ITGA8: variants seen among roughly 807,000 people sequenced by gnomAD.
The protein encoded by ITGA8 is integrin subunit alpha 8, also known as integrin alpha-8.
ITGA8 carries 91 observed loss-of-function variants against 142.3 expected under a neutral mutation model. That is an observed-to-expected ratio of 0.64 (90% CI 0.54 to 0.76). The LOEUF (loss-of-function observed/expected upper bound fraction) is 0.76. Among genes scored for constraint, ITGA8 ranks in the 30% least tolerant of loss-of-function variants. The probability of loss-of-function intolerance (pLI) is 0.00; values close to 1 mark genes in which losing one functional copy is unlikely to be tolerated. For synonymous variants in ITGA8, 505 were observed against 485.2 expected, an observed-to-expected ratio of 1.04 and a Z score of -0.54; for missense variants, 1,406 against 1,327.7, an observed-to-expected ratio of 1.06 and a Z score of -0.92.
Position 15,571,183 on chromosome 10 carries a change from A to C in ITGA8, c.2637+1028T>G, listed in dbSNP as rs142457733. Among the ~76,000 whole-genome samples the C allele has an allele frequency of 1.7e-4, 26 of 152,314 alleles. No homozygotes were observed. In the East Asian group the frequency reaches 3.5e-3, roughly 20 times the overall value. ...AGTCCTTTACTAATGAACCCCCTTT[A>C]GTCTTCCCTTTGAATAGGAGGCATG... is the stretch of plus-strand genomic sequence containing the variant. On this transcript the variant is annotated intron_variant, in intron 25 of 29. Coordinates refer to ENST00000378076, the MANE Select transcript of ITGA8 (RefSeq NM_003638.3).
At position 15,644,163 on chromosome 10, in the gene ITGA8, A is replaced by G. The variant is rs779711137; in HGVS notation, c.1266T>C (p.Tyr422=). ...GKDQRGKVLI[Y]NGNKDGLNTK... is the part of the protein sequence containing the mutation. ...TGTTTAAGCCATCTTTGTTCCCATT[A>G]TAAATGAGCACTTTGCCTCTTTGAT... Residue 422 remains tyrosine, a synonymous_variant, in exon 13 of 30, where the codon TAT becomes TAC. Coordinates refer to ENST00000378076, the MANE Select transcript of ITGA8 (RefSeq NM_003638.3). 6 of 1,614,044 alleles carry G rather than the reference A, an allele frequency of 3.7e-6. No individual in the cohort carries two copies. Among genetic ancestry groups the G allele is most frequent in the Non-Finnish European group, 4.2e-6 (5 of 1,180,038 alleles).
intron 21 of ITGA8, among the ~76,000 whole-genome samples, chr10:15,593,593 G>C (rs185060923): frequency 1.3e-5 from 2 of 152,296 alleles, no homozygotes; most frequent in Non-Finnish European, 2.9e-5. Flanking sequence ...ATATTCACAT[G>C]AATCAGTAAT....
At chr10:15,559,431 A>G (rs1380521209) in intron 25 of ITGA8, among the ~76,000 whole-genome samples, 1 of 152,208 alleles carries the variant, frequency 6.6e-6, no homozygotes, top group African/African-American at 2.4e-5. Context: ...GAAAACACAA[A>G]GCAGAGAGTC....
At chr10:15,553,856 G>A (rs1833837114) in intron 26 of ITGA8, among the ~76,000 whole-genome samples, 1 of 152,042 alleles carries the variant, frequency 6.6e-6, no homozygotes, top group Non-Finnish European at 1.5e-5. Flanking sequence ...AGCCAGGTGT[G>A]GTGGCACGCA....
rs146924439 is a variant in ITGA8, at chr10:15,681,718, A to C, written c.568+2286T>G. ...AACCTACATTATCAAGGCAAAAGGC[A>C]TATGAAGGATGGTCTTGTCTTTAGT... On this transcript the variant is annotated intron_variant, in intron 4 of 29. Transcript: ENST00000378076. Among the ~76,000 whole-genome samples, 1,073 of 152,310 alleles carry C rather than the reference A, an allele frequency of 7.0e-3. 19 individuals carry two copies. The highest frequency in any genetic ancestry group is 0.025 in the African/African-American group (1,035 of 41,570).
At chr10:15,672,931 G>T (rs1420746775) in intron 6 of ITGA8, among the ~76,000 whole-genome samples, 182 bp from the exon 7 acceptor site, 1 of 152,144 alleles carries the variant, frequency 6.6e-6, no homozygotes, top group African/African-American at 2.4e-5. Flanking sequence ...TTTCCATTCT[G>T]ACAGAAGACC....
chr10:15,621,347 A>C (rs1169800138), intron 13 of ITGA8, among the ~76,000 whole-genome samples: 8 of 152,198 alleles, frequency 5.3e-5, no homozygotes, highest in Admixed American at 5.2e-4. Flanking sequence ...GGAAACAAAA[A>C]GGGGACATTG....
chr10:15,581,414 G>A (rs1318065338), intron 23 of ITGA8, among the ~76,000 whole-genome samples: 1 of 152,178 alleles, frequency 6.6e-6, no homozygotes, highest in African/African-American at 2.4e-5. Flanking sequence ...TCCACAGTGT[G>A]TATTTCTTCC....
At chr10:15,596,721 A>C (rs1402427211) in intron 21 of ITGA8, 1 of 155,428 alleles carries the variant, frequency 6.4e-6, no homozygotes, top group Non-Finnish European at 1.4e-5. Flanking sequence ...ATTAACTGAA[A>C]GACTTATCAG....
intron 23 of ITGA8, among the ~76,000 whole-genome samples, chr10:15,581,183 A>G (rs1003744492): frequency 1.3e-5 from 2 of 152,322 alleles, no homozygotes; most frequent in East Asian, 3.9e-4. Flanking sequence ...TGGTCACATC[A>G]TATCAATCAA....
intron 8 of ITGA8, among the ~76,000 whole-genome samples, chr10:15,663,512 C>A (rs1834328562): frequency 6.6e-6 from 1 of 151,948 alleles, no homozygotes; most frequent in Admixed American, 6.6e-5. Context: ...TACTCTTGTG[C>A]ATCATTATTT....
intron 2 of ITGA8, among the ~76,000 whole-genome samples, chr10:15,711,382 T>A (rs1835361203): frequency 6.6e-6 from 1 of 152,162 alleles, no homozygotes; most frequent in Admixed American, 6.5e-5. Flanking sequence ...TAAGAGCTTA[T>A]TGACCATGGG....
chr10:15,523,075 G>C (rs1342002917), intron 28 of ITGA8, among the ~76,000 whole-genome samples: 1 of 151,930 alleles, frequency 6.6e-6, no homozygotes, highest in African/African-American at 2.4e-5. Context: ...AAACAGAAAA[G>C]AGTTCAAGTT....
intron 8 of ITGA8, among the ~76,000 whole-genome samples, 177 bp downstream of exon 8, chr10:15,671,422 ATTCT>A (rs1177866397): frequency 6.6e-6 from 1 of 152,208 alleles, no homozygotes; most frequent in Non-Finnish European, 1.5e-5. Context: ...TTCTTACAAA[ATTCT>A]TTCAGACTTA....
chr10:15,625,036 G>A (rs184598807), intron 13 of ITGA8, among the ~76,000 whole-genome samples: 3 of 151,808 alleles, frequency 2.0e-5, no homozygotes, highest in Non-Finnish European at 4.4e-5. Context: ...ATTGCAACAT[G>A]CAAAATATTA....
At chr10:15,589,747 T>C (rs982921337) in intron 22 of ITGA8, among the ~76,000 whole-genome samples, 6 of 148,628 alleles carry the variant, frequency 4.0e-5, no homozygotes, top group African/African-American at 1.5e-4. Flanking sequence ...TTTTACAGTG[T>C]TTTACTCAAA....
intron 9 of ITGA8, among the ~76,000 whole-genome samples, chr10:15,659,365 A>G (rs909849505): frequency 3.3e-5 from 5 of 152,214 alleles, no homozygotes; most frequent in Non-Finnish European, 7.3e-5. Flanking sequence ...TTTAGTCAGG[A>G]TTTTTGTCCA....
chr10:15,538,289 G>T (rs2883157), intron 27 of ITGA8, among the ~76,000 whole-genome samples: 4,897 of 152,226 alleles, frequency 0.032, 203 homozygotes, highest in East Asian at 0.18. Flanking sequence ...AAGGCAGGTG[G>T]ATCACCTGAG....
chr10:15,532,454 G>C (rs369535737), intron 27 of ITGA8, among the ~76,000 whole-genome samples: 5 of 103,918 alleles, frequency 4.8e-5, no homozygotes. Flanking sequence ...AAAGCCTCTA[G>C]TTACAGCCAG....
Sources: allele counts gnomAD v4.1 joint callset (sites outside exome capture counted in the v4.1 genomes callset), GRCh38; gene constraint gnomAD v4.1.1; transcripts MANE v1.5; gene names NCBI Gene and HGNC (gene_info 2026-07-23, HGNC 2026-07-21).